Variants in DGKB observed in about 807,000 individuals in gnomAD.
DGKB encodes the protein 90 kDa diacylglycerol kinase.
Under a neutral mutation model 114.3 loss-of-function variants are expected in DGKB, and 67 were observed. That is an observed-to-expected ratio of 0.59 (90% confidence interval 0.48 to 0.72). The LOEUF (loss-of-function observed/expected upper bound fraction) is 0.72, where lower values mean the gene tolerates loss of function less well. Ranked by LOEUF, DGKB falls within the 30% of genes least tolerant of loss-of-function variation. DGKB has a pLI of 0.00. For missense variants in DGKB, 907 were observed against 975.2 expected (o/e 0.93, Z 0.93); for synonymous variants, 398 against 323.1 (o/e 1.23, Z -2.49).
chr7:14,286,235 T>C (rs1216953276), intron 23 of DGKB, among the ~76,000 whole-genome samples: 2 of 152,140 alleles, frequency 1.3e-5, no homozygotes, highest in Non-Finnish European at 2.9e-5. Flanking sequence ...TGCCCAGGGC[T>C]ATGTCATTTC....
chr7:14,261,214 A>ATATT (rs1221280229), intron 23 of DGKB, among the ~76,000 whole-genome samples: 1 of 151,942 alleles, frequency 6.6e-6, no homozygotes, highest in Non-Finnish European at 1.5e-5. Flanking sequence ...ATTTAGACAA[A>ATATT]TATTACGGTG....
intron 15 of DGKB, among the ~76,000 whole-genome samples, chr7:14,615,735 G>C (rs1174456509): frequency 1.3e-5 from 2 of 151,708 alleles, no homozygotes; most frequent in Non-Finnish European, 3.0e-5. Context: ...TTGAGTATGA[G>C]TTCATTTTCA....
intron 23 of DGKB, among the ~76,000 whole-genome samples, chr7:14,223,029 T>C (rs1046794473): frequency 2.6e-5 from 4 of 151,668 alleles, no homozygotes; most frequent in African/African-American, 9.7e-5. Context: ...TATCTTGTAA[T>C]CTAAAGTGTG....
intron 2 of DGKB, among the ~76,000 whole-genome samples, chr7:14,769,126 A>G (rs538236909): frequency 4.6e-5 from 4 of 86,126 alleles, no homozygotes; most frequent in African/African-American, 1.9e-4. Flanking sequence ...AGAAAGAAAG[A>G]GAGAGAGAGA....
rs200478445 is a variant in DGKB, at chr7:14,327,099, T to A, written c.2122+11416A>T. Among the ~76,000 whole-genome samples, 9 of 152,278 alleles carry A rather than the reference T, an allele frequency of 5.9e-5. No individual in the cohort carries two copies. In the East Asian group the frequency reaches 1.7e-3, roughly 29 times the overall value. ...TTCATTTTTGATTATTTTAAATGTT[T>A]TGGATAACAGAATGGCTCTTGAATT... On this transcript the variant is annotated intron_variant, in intron 23 of 25. Transcript: ENST00000402815.
At chr7:14,358,094 A>G (rs184285303) in intron 21 of DGKB, among the ~76,000 whole-genome samples, 304 of 152,174 alleles carry the variant, frequency 2.0e-3, no homozygotes, top group African/African-American at 6.8e-3. Flanking sequence ...CTCAAGGAGT[A>G]TCTTTGTGGT....
intron 1 of DGKB, among the ~76,000 whole-genome samples, chr7:14,843,639 C>CT (rs1562694574): frequency 1.3e-5 from 2 of 152,126 alleles, no homozygotes; most frequent in Non-Finnish European, 2.9e-5. Context: ...CAGCCAATAA[C>CT]TTTTTTTAAA....
chr7:14,296,567 G>T (rs1802597449), intron 23 of DGKB, among the ~76,000 whole-genome samples: 1 of 151,976 alleles, frequency 6.6e-6, no homozygotes, highest in Admixed American at 6.6e-5. Flanking sequence ...CTAGATCCCT[G>T]AGGAATTGCC....
chr7:14,868,069 C>A (rs1406451543), intron 1 of DGKB, among the ~76,000 whole-genome samples: 1 of 152,122 alleles, frequency 6.6e-6, no homozygotes, highest in Non-Finnish European at 1.5e-5. Flanking sequence ...CTAATTAACA[C>A]CTCTGCGTCT....
At chr7:14,174,368 A>G (rs1387545402) in intron 25 of DGKB, among the ~76,000 whole-genome samples, 2 of 152,206 alleles carry the variant, frequency 1.3e-5, no homozygotes, top group African/African-American at 2.4e-5. Flanking sequence ...TAAATGCATC[A>G]ACATGGGTCA....
At chr7:14,918,544 A>G (rs1342963393) in intron 1 of DGKB, among the ~76,000 whole-genome samples, 2 of 152,194 alleles carry the variant, frequency 1.3e-5, no homozygotes, top group East Asian at 3.9e-4. Flanking sequence ...ATTCTTAAGT[A>G]TAAATTTAAC....
Position 14,540,965 on chromosome 7 carries a change from T to C in DGKB, c.1770+33247A>G, listed in dbSNP as rs79998615. On this transcript the variant is annotated intron_variant, in intron 20 of 25. Coordinates refer to ENST00000402815, the MANE Select transcript of DGKB (RefSeq NM_001350709.2). ...GAAAATGGTAATCTTCCTTTTCAAA[T>C]GTATGCAATGTATATGAATGCAACT... 1.5e-3 allele frequency among the ~76,000 whole-genome samples: 221 copies of C among 152,324 alleles called. 1 individual carries two copies. The highest frequency in any genetic ancestry group is 5.1e-3 in the African/African-American group (212 of 41,576).
chr7:14,898,659 CT>C (rs1782495062), intron 1 of DGKB, among the ~76,000 whole-genome samples: 1 of 152,090 alleles, frequency 6.6e-6, no homozygotes, highest in African/African-American at 2.4e-5. Flanking sequence ...AAAACTAACT[CT>C]ATTCCCAACC....
rs77266976 is a variant in DGKB at position 14,181,422 on chromosome 7, T to G, written c.2123-3271A>C. Among the ~76,000 whole-genome samples the G allele has an allele frequency of 6.3e-3, 953 of 152,362 alleles. 10 individuals carry two copies. The highest frequency in any genetic ancestry group is 0.022 in the African/African-American group (911 of 41,592). ...TGTATGTAACCATGCATAGAACAGC[T>G]GTTCTCCACCAGGGAGTCTCACCAC... On this transcript the variant is annotated intron_variant, in intron 23 of 25. Coordinates refer to ENST00000402815, the MANE Select transcript of DGKB (RefSeq NM_001350709.2).
At chr7:14,439,245 G>A (rs1218599568) in intron 21 of DGKB, among the ~76,000 whole-genome samples, 1 of 152,082 alleles carries the variant, frequency 6.6e-6, no homozygotes, top group Non-Finnish European at 1.5e-5. Context: ...TATTTCAGTA[G>A]AGAAGAAAAT....
chr7:14,504,284 G>C (rs940740213), intron 20 of DGKB, among the ~76,000 whole-genome samples: 1 of 152,172 alleles, frequency 6.6e-6, no homozygotes, highest in Admixed American at 6.5e-5. Context: ...TCTGTGTATG[G>C]AGTAGCTGGT....
intron 1 of DGKB, among the ~76,000 whole-genome samples, chr7:14,917,221 G>A (rs752586660): frequency 1.3e-5 from 2 of 151,904 alleles, no homozygotes; most frequent in Non-Finnish European, 2.9e-5. Flanking sequence ...TCCATCTTAG[G>A]ACTAGAGAAA....
intron 5 of DGKB, among the ~76,000 whole-genome samples, chr7:14,721,240 A>T (rs989075639): frequency 4.1e-4 from 63 of 152,356 alleles, no homozygotes; most frequent in African/African-American, 1.4e-3. Context: ...ATTTGTACTT[A>T]TACAACTAAG....
intron 13 of DGKB, among the ~76,000 whole-genome samples, chr7:14,657,239 A>C (rs1232842712): frequency 2.0e-5 from 3 of 151,836 alleles, no homozygotes; most frequent in South Asian, 2.1e-4. Flanking sequence ...TGTGTTCCTC[A>C]TCAGAATTTG....
Sources: allele counts gnomAD v4.1 joint callset (sites outside exome capture counted in the v4.1 genomes callset), GRCh38; gene constraint gnomAD v4.1.1; transcripts MANE v1.5; gene names NCBI Gene and HGNC (gene_info 2026-07-23, HGNC 2026-07-21).